The following DNAJC6 variants were observed in gnomAD, a reference collection of about 807,000 sequenced individuals.
DNAJC6 encodes the protein auxilin.
In DNAJC6, 34 loss-of-function variants were observed where a neutral mutation model predicts 110.0. That is an observed-to-expected ratio of 0.31 (90% confidence interval 0.24 to 0.41). The LOEUF (loss-of-function observed/expected upper bound fraction) is 0.41. DNAJC6 is among the 10% of genes least tolerant of loss of function. DNAJC6 has a pLI of 1.00. For missense variants in DNAJC6, 1,031 were observed against 1,207.8 expected (o/e 0.85, Z 2.17); for synonymous variants, 406 against 437.2 (o/e 0.93, Z 0.89).
chr1:65,397,503 C>G (rs1645990902), intron 13 of DNAJC6, among the ~76,000 whole-genome samples: 1 of 152,160 alleles, frequency 6.6e-6, no homozygotes, highest in Non-Finnish European at 1.5e-5. Context: ...TCCTGTTTCT[C>G]TAACAGACCT....
chr1:65,392,313 A>T, intron 11 of DNAJC6, 118 bp from the exon 12 acceptor site: 1 of 975,758 alleles, frequency 1.0e-6, no homozygotes, highest in Non-Finnish European at 1.5e-6. Flanking sequence ...GTCTAAAAAC[A>T]CTGTTTGCTC....
At chr1:65,375,307 A>G (rs1377856423) in intron 4 of DNAJC6, among the ~76,000 whole-genome samples, 3 of 151,936 alleles carry the variant, frequency 2.0e-5, no homozygotes, top group Non-Finnish European at 4.4e-5. Context: ...ATTTTATCAC[A>G]TACTTTTTCA....
At chr1:65,396,873 T>C (rs1005851690) in intron 13 of DNAJC6, among the ~76,000 whole-genome samples, 1 of 152,222 alleles carries the variant, frequency 6.6e-6, no homozygotes, top group African/African-American at 2.4e-5. Context: ...TAACTCATTT[T>C]TCCCATCAAA....
rs148035048 is a variant in DNAJC6 at position 65,284,281 on chromosome 1, G to A, written c.-131+19349G>A. Among the ~76,000 whole-genome samples the A allele has an allele frequency of 1.6e-4, 25 of 152,266 alleles. No individual in the cohort carries two copies. The East Asian group carries it at 4.6e-3, about 28-fold the overall frequency. On this transcript the variant is annotated intron_variant, in intron 1 of 19. Transcript: ENST00000263441. Reference sequence around the variant, plus strand: ...CAACAAGAGTGAGACTGTTCAGTCTGAAGCCCCTCAGCATCTCCTTTCTCC... The same window carrying A: ...CAACAAGAGTGAGACTGTTCAGTCTAAAGCCCCTCAGCATCTCCTTTCTCC...
intron 1 of DNAJC6, among the ~76,000 whole-genome samples, chr1:65,292,222 T>C (rs542435664): frequency 2.6e-5 from 4 of 151,948 alleles, no homozygotes; most frequent in Non-Finnish European, 5.9e-5. Flanking sequence ...TTCACCATGT[T>C]GGCCAGGCTG....
intron 1 of DNAJC6, among the ~76,000 whole-genome samples, chr1:65,295,184 G>A (rs567046791): frequency 2.0e-5 from 3 of 152,252 alleles, no homozygotes; most frequent in South Asian, 2.1e-4. Context: ...GAAAAAGGGG[G>A]ATCTTGTAAT....
At chr1:65,325,729 A>G (rs1393921359) in intron 1 of DNAJC6, among the ~76,000 whole-genome samples, 1 of 152,226 alleles carries the variant, frequency 6.6e-6, no homozygotes, top group South Asian at 2.1e-4. Context: ...CGTTCTGAGA[A>G]ACGCATCTTT....
chr1:65,268,133 A>G (rs1015412279), intron 1 of DNAJC6, among the ~76,000 whole-genome samples: 10 of 152,254 alleles, frequency 6.6e-5, no homozygotes, highest in Non-Finnish European at 1.0e-4. Context: ...GATGGGGCAA[A>G]GAAATCACCA....
intron 1 of DNAJC6, among the ~76,000 whole-genome samples, chr1:65,319,763 T>C (rs1645181186): frequency 6.6e-6 from 1 of 152,204 alleles, no homozygotes; most frequent in Non-Finnish European, 1.5e-5. Flanking sequence ...TCTTCATTTT[T>C]CCCTGATCCT....
intron 1 of DNAJC6, among the ~76,000 whole-genome samples, chr1:65,315,635 T>A (rs1351550502): frequency 1.3e-5 from 2 of 152,212 alleles, no homozygotes; most frequent in African/African-American, 4.8e-5. Flanking sequence ...AATTTAATTA[T>A]TATAATTCAG....
At chr1:65,408,862 C>T in intron 17 of DNAJC6, 79 bp downstream of exon 17, 1 of 1,508,574 alleles carries the variant, frequency 6.6e-7, no homozygotes. Flanking sequence ...GGAGCTATCG[C>T]CATGAGAGTA....
chr1:65,299,630 T>C (rs1450581313), intron 1 of DNAJC6, among the ~76,000 whole-genome samples: 1 of 152,202 alleles, frequency 6.6e-6, no homozygotes, highest in African/African-American at 2.4e-5. Context: ...CTTTATGTTA[T>C]GCAATTTTAA....
At chr1:65,291,181 C>T (rs1287212182) in intron 1 of DNAJC6, among the ~76,000 whole-genome samples, 3 of 152,128 alleles carry the variant, frequency 2.0e-5, no homozygotes, top group Non-Finnish European at 2.9e-5. Flanking sequence ...TACAGGCATA[C>T]ACCACCACAC....
rs747822858 is a variant in DNAJC6 at position 65,366,226 on chromosome 1, G to T, written c.543+30G>T. On this transcript the variant is annotated intron_variant, in intron 4 of 18. Transcript: ENST00000371069. ...GGATTTTTAGCCCTGAGATCATACTGTTGAAGACGTGATGGTGCTTTTCCT... is the reference window on the plus strand; with the variant it reads ...GGATTTTTAGCCCTGAGATCATACTTTTGAAGACGTGATGGTGCTTTTCCT... 6.2e-6 allele frequency: 10 copies of T among 1,609,612 alleles called. No homozygotes were observed. In the African/African-American group the frequency reaches 1.2e-4, roughly 19 times the overall value.
chr1:65,267,231 A>G (rs940912894), intron 1 of DNAJC6, among the ~76,000 whole-genome samples: 1 of 152,074 alleles, frequency 6.6e-6, no homozygotes, highest in Non-Finnish European at 1.5e-5. Flanking sequence ...TTGTACTGGG[A>G]AGAGCCTTGG....
chr1:65,376,048 A>G (rs190513510), intron 4 of DNAJC6, among the ~76,000 whole-genome samples: 13 of 152,276 alleles, frequency 8.5e-5, no homozygotes, highest in African/African-American at 3.1e-4. Context: ...GAATTTTTAT[A>G]CAGCCTCAAT....
At chr1:65,402,350 A>G (rs993404726) in intron 15 of DNAJC6, among the ~76,000 whole-genome samples, 3 of 152,370 alleles carry the variant, frequency 2.0e-5, no homozygotes, top group South Asian at 4.1e-4. Flanking sequence ...GTAAAATTCT[A>G]TACAGAAAAT....
At chr1:65,280,419 G>A (rs1412983906) in intron 1 of DNAJC6, among the ~76,000 whole-genome samples, 1 of 151,946 alleles carries the variant, frequency 6.6e-6, no homozygotes, top group Non-Finnish European at 1.5e-5. Flanking sequence ...TAATAACTGG[G>A]CCTTCAGTTA....
intron 1 of DNAJC6, among the ~76,000 whole-genome samples, chr1:65,329,958 G>C (rs952337387): frequency 6.6e-6 from 1 of 152,120 alleles, no homozygotes; most frequent in Non-Finnish European, 1.5e-5. Context: ...TGAATTTATA[G>C]GTCCCTCATG....
Sources: gnomAD v4.1 joint callset for allele counts (sites outside exome capture counted in the v4.1 genomes callset) on GRCh38, gnomAD v4.1.1 for gene constraint, MANE v1.5 for transcripts, NCBI Gene and HGNC (gene_info 2026-07-23, HGNC 2026-07-21) for gene names.